NCOR2: variants seen among roughly 807,000 people sequenced by gnomAD.
NCOR2 encodes the protein nuclear receptor corepressor 2.
Under a neutral mutation model 262.9 loss-of-function variants are expected in NCOR2, and 81 were observed. The observed-to-expected ratio is 0.31, with a 90% CI of 0.26 to 0.37. NCOR2 has a LOEUF of 0.37. Ranked by LOEUF, NCOR2 falls within the 10% of genes least tolerant of loss-of-function variation. NCOR2 has a pLI of 1.00. For synonymous variants in NCOR2, 1,659 were observed against 1,559.3 expected (o/e 1.06, Z -1.51); for missense variants, 3,385 against 3,621.4 (o/e 0.93, Z 1.68).
chr12:124,335,428 T>C, intron 39 of NCOR2, 55 bp downstream of exon 41: 4 of 1,568,000 alleles, frequency 2.6e-6, no homozygotes, highest in Non-Finnish European at 3.4e-6. Flanking sequence ...TGATGGGGCC[T>C]TGAGGGTCCT....
intron 16 of NCOR2, among the ~76,000 whole-genome samples, chr12:124,396,180 G>C (rs2041643748): frequency 6.6e-6 from 1 of 152,206 alleles, no homozygotes; most frequent in East Asian, 1.9e-4. Context: ...GGTAGGGCTG[G>C]GGCGGGGCCC....
chr12:124,359,514 G>A (rs1424729482), intron 22 of NCOR2, among the ~76,000 whole-genome samples: 1 of 152,226 alleles, frequency 6.6e-6, no homozygotes, highest in Non-Finnish European at 1.5e-5. Flanking sequence ...AGGGGGCACA[G>A]ATGCAGGGGA....
intron 6 of NCOR2, among the ~76,000 whole-genome samples, chr12:124,451,289 C>T (rs3782276): frequency 0.51 from 78,014 of 152,124 alleles, 21,459 homozygotes; most frequent in Non-Finnish European, 0.59. Context: ...AAATGCTCAG[C>T]TGCCTTCCAG....
At chr12:124,534,318 G>A (rs1335206367) in intron 1 of NCOR2, among the ~76,000 whole-genome samples, 1 of 152,164 alleles carries the variant, frequency 6.6e-6, no homozygotes, top group South Asian at 2.1e-4. Context: ...TTAGCCAGGC[G>A]TGGTGGCGCA....
intron 1 of NCOR2, among the ~76,000 whole-genome samples, chr12:124,551,360 C>A (rs139224078): frequency 1.3e-5 from 2 of 152,320 alleles, no homozygotes; most frequent in East Asian, 3.9e-4. Flanking sequence ...GAGAGCAGCG[C>A]GCACAGATCC....
chr12:124,346,050 C>T (rs778365736), intron 31 of NCOR2, among the ~76,000 whole-genome samples: 7 of 152,166 alleles, frequency 4.6e-5, no homozygotes, highest in African/African-American at 1.7e-4. Context: ...GTGGATGCTG[C>T]GGCTGTAGGA....
At chr12:124,331,459 G>A (rs1357033176) in intron 43 of NCOR2, 1 of 153,088 alleles carries the variant, frequency 6.5e-6, no homozygotes, top group African/African-American at 2.5e-5. Context: ...CTGGGTCAGA[G>A]ATTTTTTTTT....
chr12:124,543,871 C>T (rs983681347), intron 1 of NCOR2, among the ~76,000 whole-genome samples: 2 of 152,346 alleles, frequency 1.3e-5, no homozygotes, highest in African/African-American at 2.4e-5. Context: ...TCACAGGCAC[C>T]GACAGCCCCT....
At chr12:124,390,573 G>T (rs952092960) in intron 16 of NCOR2, among the ~76,000 whole-genome samples, 4 of 151,804 alleles carry the variant, frequency 2.6e-5, no homozygotes, top group Admixed American at 6.6e-5. Flanking sequence ...CTCATCGGCA[G>T]GTGTCCGGGG....
At chr12:124,528,551 A>C (rs757262088) in intron 1 of NCOR2, among the ~76,000 whole-genome samples, 4 of 152,208 alleles carry the variant, frequency 2.6e-5, no homozygotes, top group Non-Finnish European at 4.4e-5. Context: ...TGAACAAGGA[A>C]GACCCTTGGC....
At chr12:124,330,173 G>A (rs1200640801) in intron 44 of NCOR2, among the ~76,000 whole-genome samples, 2 of 152,134 alleles carry the variant, frequency 1.3e-5, no homozygotes, top group African/African-American at 2.4e-5. Context: ...AGAGGCAGCC[G>A]ACCCCAAAAC....
chr12:124,485,770 C>G (rs1259929820), intron 2 of NCOR2, among the ~76,000 whole-genome samples: 10 of 152,218 alleles, frequency 6.6e-5, no homozygotes, highest in Admixed American at 6.5e-4. Context: ...CCCTCAACCT[C>G]GCAGCCTCAG....
At chr12:124,325,717 G>T (rs1455592167) in intron 46 of NCOR2, 134 bp from the exon 49 acceptor site, 2 of 533,568 alleles carry the variant, frequency 3.7e-6, no homozygotes, top group South Asian at 9.0e-5. Flanking sequence ...TTCTAATTGC[G>T]AACAGGTCTC....
chr12:124,542,620 C>G (rs1002519622), intron 1 of NCOR2: 4 of 152,500 alleles, frequency 2.6e-5, no homozygotes, highest in Admixed American at 6.5e-5. Flanking sequence ...AGATCAGACC[C>G]TGGCCCCCAA....
chr12:124,430,601 C>G lies in NCOR2; in HGVS notation c.1055+14G>C. 1 of 1,599,294 alleles carries G rather than the reference C, an allele frequency of 6.3e-7. No individual in the cohort carries two copies. Among genetic ancestry groups the G allele is most frequent in the Non-Finnish European group, 8.5e-7 (1 of 1,171,614 alleles). ...GCCCTGACGTCGGGGGCCCTGGGCT[C>G]AGGCCCCGCTCACCTCTGCATGCGC... On this transcript the variant is annotated intron_variant, in intron 9 of 46. Transcript: ENST00000405201.
intron 31 of NCOR2, among the ~76,000 whole-genome samples, chr12:124,346,171 G>T (rs745374802): frequency 1.3e-5 from 2 of 152,178 alleles, no homozygotes; most frequent in Non-Finnish European, 2.9e-5. Flanking sequence ...TTAAGAAAAC[G>T]ACCTCAGAGC....
At chr12:124,409,126 A>G (rs2042431319) in intron 13 of NCOR2, among the ~76,000 whole-genome samples, 1 of 152,256 alleles carries the variant, frequency 6.6e-6, no homozygotes, top group Admixed American at 6.5e-5. Context: ...TAACACGCAC[A>G]TGGAAGCCTG....
At chr12:124,563,814 G>A (rs142858010) in intron 1 of NCOR2, among the ~76,000 whole-genome samples, 5 of 152,370 alleles carry the variant, frequency 3.3e-5, no homozygotes, top group Admixed American at 6.5e-5. Context: ...GCAAAGATCC[G>A]TAGGTGCTGC....
chr12:124,439,268 C>A lies in NCOR2; in HGVS notation c.816-1272G>T, dbSNP rs1428628621. 3.1e-4 allele frequency among the ~76,000 whole-genome samples: 13 copies of A among 41,524 alleles called. No individual in the cohort carries two copies. In the East Asian group the frequency reaches 9.7e-3, roughly 31 times the overall value. The allele number at this position is 41,524 out of a possible 152,430, so 27.2% of individuals were successfully genotyped here. A position where few individuals can be genotyped will look rare whatever the true frequency, so the allele number is the denominator to read the frequency against. On this transcript the variant is annotated intron_variant, in intron 7 of 46. Coordinates refer to ENST00000405201, the Ensembl canonical transcript of NCOR2. ...AGACCCAGAGAGAGAGAGATGGAGA[C>A]CCTGAGACAGAGGGAGAGAGAGACC...
Sources: allele counts gnomAD v4.1 joint callset (sites outside exome capture counted in the v4.1 genomes callset), GRCh38; gene constraint gnomAD v4.1.1; transcripts MANE v1.5; gene names NCBI Gene and HGNC (gene_info 2026-07-23, HGNC 2026-07-21).